The following CSMD1 variants were observed in gnomAD, a reference collection of about 807,000 sequenced individuals.
CSMD1 encodes CUB and Sushi multiple domains 1.
Under a neutral mutation model 417.5 loss-of-function variants are expected in CSMD1, and 213 were observed. The ratio of observed to expected loss-of-function variants is 0.51; its 90% confidence interval spans 0.46 to 0.57. The LOEUF (loss-of-function observed/expected upper bound fraction) is 0.57, where lower values mean the gene tolerates loss of function less well. Among genes scored for constraint, CSMD1 ranks in the 20% least tolerant of loss-of-function variants. The pLI is 0.00. For missense variants in CSMD1, 6,923 were observed against 4,529.7 expected, an observed-to-expected ratio of 1.53 and a Z score of -15.17; for synonymous variants, 2,862 against 1,736.8, an observed-to-expected ratio of 1.65 and a Z score of -16.11.
chr8:3,123,483 T>C (rs1422362669), intron 41 of CSMD1, among the ~76,000 whole-genome samples: 1 of 152,246 alleles, frequency 6.6e-6, no homozygotes, highest in Non-Finnish European at 1.5e-5. Context: ...TTTCCTTCTT[T>C]ATTATTCTCT....
intron 1 of CSMD1, among the ~76,000 whole-genome samples, chr8:4,719,206 G>A (rs1175769829): frequency 6.6e-6 from 1 of 152,150 alleles, no homozygotes; most frequent in Non-Finnish European, 1.5e-5. Context: ...AGGGGTGGGG[G>A]AGACTAGATG....
chr8:4,284,194 C>A (rs921813299), intron 3 of CSMD1, among the ~76,000 whole-genome samples: 8 of 152,006 alleles, frequency 5.3e-5, no homozygotes, highest in Non-Finnish European at 1.0e-4. Flanking sequence ...ATGGTGAAAC[C>A]CTATCTCTAC....
chr8:3,779,353 A>T (rs1799056407), intron 5 of CSMD1, among the ~76,000 whole-genome samples: 1 of 152,186 alleles, frequency 6.6e-6, no homozygotes, highest in Admixed American at 6.5e-5. Flanking sequence ...TGTAGCTACA[A>T]ATTGTAATGA....
At chr8:4,965,762 A>C (rs1809817093) in intron 1 of CSMD1, among the ~76,000 whole-genome samples, 1 of 152,186 alleles carries the variant, frequency 6.6e-6, no homozygotes. Flanking sequence ...TTATTTAGGA[A>C]GGAAAAACTG....
At chr8:4,780,798 G>A (rs144047010) in intron 1 of CSMD1, among the ~76,000 whole-genome samples, 1,568 of 151,918 alleles carry the variant, frequency 0.01, 57 homozygotes, top group Admixed American at 0.07. Context: ...TAGCTCCCCC[G>A]TCTCAGTGAG....
intron 3 of CSMD1, among the ~76,000 whole-genome samples, chr8:4,234,529 A>G (rs1196281639): frequency 1.3e-5 from 2 of 152,032 alleles, no homozygotes; most frequent in Admixed American, 6.6e-5. Context: ...TCACTCCTAA[A>G]TGTTCCTATC....
chr8:4,538,348 T>C (rs1456545227), intron 2 of CSMD1, among the ~76,000 whole-genome samples: 3 of 151,208 alleles, frequency 2.0e-5, no homozygotes, highest in East Asian at 1.9e-4. Flanking sequence ...AGGTCTAACT[T>C]TTTTTTTTAA....
In CSMD1 at chr8:4,366,904, T is replaced by A. The variant is rs1180310457; in HGVS notation, c.415+53049A>T. Among the ~76,000 whole-genome samples the A allele has an allele frequency of 3.3e-5, 5 of 152,110 alleles. No individual in the cohort carries two copies. The East Asian group carries it at 9.7e-4, about 29-fold the overall frequency. On this transcript the variant is annotated intron_variant, in intron 3 of 69. Coordinates refer to ENST00000635120, the MANE Select transcript of CSMD1 (RefSeq NM_033225.6). ...ATTTTTTTAATAGGGTTGTTTTTCGTTTGCTGATTTGTCTAAGTTCCCTAC... is the reference window on the plus strand; with the variant it reads ...ATTTTTTTAATAGGGTTGTTTTTCGATTGCTGATTTGTCTAAGTTCCCTAC...
At chr8:4,829,851 G>A (rs536966174) in intron 1 of CSMD1, among the ~76,000 whole-genome samples, 16 of 152,264 alleles carry the variant, frequency 1.1e-4, no homozygotes, top group Admixed American at 6.5e-4. Flanking sequence ...TTGGGGACAA[G>A]GGGCTGGTCA....
At chr8:3,757,583 C>T (rs111371208) in intron 5 of CSMD1, among the ~76,000 whole-genome samples, 5,055 of 152,172 alleles carry the variant, frequency 0.033, 201 homozygotes, top group East Asian at 0.14. Flanking sequence ...TAAAAACAGA[C>T]CCGGTGCAGT....
intron 1 of CSMD1, among the ~76,000 whole-genome samples, chr8:4,920,823 A>C (rs1229361101): frequency 1.4e-5 from 2 of 147,970 alleles, no homozygotes; most frequent in African/African-American, 5.0e-5. Flanking sequence ...AACTCTGTCA[A>C]AGAAAAGAAA....
intron 3 of CSMD1, among the ~76,000 whole-genome samples, chr8:4,093,352 A>G (rs538393009): frequency 5.3e-5 from 8 of 152,338 alleles, no homozygotes; most frequent in African/African-American, 1.7e-4. Flanking sequence ...TAGAAGAATA[A>G]TGAAAGTTAA....
intron 49 of CSMD1, among the ~76,000 whole-genome samples, chr8:3,055,201 G>T (rs184664878): frequency 6.6e-5 from 10 of 152,246 alleles, no homozygotes; most frequent in Admixed American, 5.9e-4. Flanking sequence ...TTCATACTCG[G>T]GAGACCAAAG....
intron 1 of CSMD1, among the ~76,000 whole-genome samples, chr8:4,654,593 A>G (rs1469163696): frequency 6.6e-6 from 1 of 152,118 alleles, no homozygotes; most frequent in South Asian, 2.1e-4. Context: ...AGAGTTTTAT[A>G]TTAGGAAGTT....
At chr8:3,077,554 G>A (rs897399186) in intron 49 of CSMD1, among the ~76,000 whole-genome samples, 9 of 152,346 alleles carry the variant, frequency 5.9e-5, no homozygotes, top group African/African-American at 1.2e-4. Context: ...CCTCCAGAAC[G>A]TAGTAGTCAC....
At chr8:4,935,788 C>T (rs867086455) in intron 1 of CSMD1, among the ~76,000 whole-genome samples, 1 of 152,160 alleles carries the variant, frequency 6.6e-6, no homozygotes, top group African/African-American at 2.4e-5. Flanking sequence ...ACGAGGAATA[C>T]AAGAATAGGA....
chr8:4,932,894 T>A (rs1472102311), intron 1 of CSMD1, among the ~76,000 whole-genome samples: 1 of 152,250 alleles, frequency 6.6e-6, no homozygotes, highest in Non-Finnish European at 1.5e-5. Flanking sequence ...ATTTTTACTA[T>A]GGCTTAAAAT....
chr8:4,009,283 T>C (rs1185865250), intron 4 of CSMD1, among the ~76,000 whole-genome samples: 1 of 152,234 alleles, frequency 6.6e-6, no homozygotes, highest in Non-Finnish European at 1.5e-5. Flanking sequence ...AGTGTATTTC[T>C]CAACTCTAGA....
intron 3 of CSMD1, among the ~76,000 whole-genome samples, chr8:4,200,191 C>T (rs560821605): frequency 6.6e-6 from 1 of 152,236 alleles, no homozygotes; most frequent in Admixed American, 6.5e-5. Flanking sequence ...TGGACAAAAT[C>T]CAGTTAAATG....
Sources: allele counts gnomAD v4.1 joint callset (sites outside exome capture counted in the v4.1 genomes callset), GRCh38; gene constraint gnomAD v4.1.1; transcripts MANE v1.5; gene names NCBI Gene and HGNC (gene_info 2026-07-23, HGNC 2026-07-21).